Variants in C10orf67 observed in about 807,000 individuals in gnomAD.
C10orf67 encodes uncharacterized protein C10orf67, mitochondrial.
In C10orf67, 60 loss-of-function variants were observed where a neutral mutation model predicts 35.6. That is an observed-to-expected ratio of 1.68 (90% CI 1.37 to 2.09). The LOEUF (loss-of-function observed/expected upper bound fraction) is 2.09. C10orf67 is among the 30% of genes most tolerant of loss of function. The pLI is 0.00. For missense variants in C10orf67, 474 were observed against 330.2 expected (o/e 1.44, Z -3.38); for synonymous variants, 167 against 115.8 (o/e 1.44, Z -2.84).
chr10:23,247,085 A>G (rs1257546133), intron 12 of C10orf67, among the ~76,000 whole-genome samples: 1 of 152,220 alleles, frequency 6.6e-6, no homozygotes, highest in East Asian at 1.9e-4. Context: ...TATAAAGTAA[A>G]AAAATCACAG....
intron 13 of C10orf67, among the ~76,000 whole-genome samples, chr10:23,237,028 C>T (rs1842068403): frequency 1.3e-5 from 2 of 152,066 alleles, no homozygotes; most frequent in Admixed American, 1.3e-4. Flanking sequence ...GTTTTTTAAT[C>T]CTCACTCTCC....
intron 10 of C10orf67, among the ~76,000 whole-genome samples, chr10:23,259,588 T>C (rs868285805): frequency 8.5e-5 from 13 of 152,148 alleles, no homozygotes; most frequent in South Asian, 2.1e-4. Context: ...AGATGACCCA[T>C]ATTTTGGAAC....
chr10:23,236,495 A>T (rs987430658), intron 13 of C10orf67, among the ~76,000 whole-genome samples: 2 of 152,118 alleles, frequency 1.3e-5, no homozygotes, highest in Non-Finnish European at 2.9e-5. Context: ...GTTTTTAGGG[A>T]TGTGGAGCAA....
At chr10:23,232,675 G>A (rs188340310) in intron 13 of C10orf67, among the ~76,000 whole-genome samples, 308 of 152,178 alleles carry the variant, frequency 2.0e-3, no homozygotes, top group African/African-American at 7.0e-3. Flanking sequence ...AACCTCTTCA[G>A]GAAACTTTGA....
At chr10:23,252,397 A>G (rs566449582) in intron 10 of C10orf67, among the ~76,000 whole-genome samples, 2 of 152,326 alleles carry the variant, frequency 1.3e-5, no homozygotes, top group African/African-American at 2.4e-5. Context: ...TACTGAAATA[A>G]TATATTTTAA....
At chr10:23,230,277 A>G (rs1463555922) in intron 13 of C10orf67, among the ~76,000 whole-genome samples, 2 of 152,180 alleles carry the variant, frequency 1.3e-5, no homozygotes, top group Admixed American at 1.3e-4. Flanking sequence ...AAATGAAACC[A>G]GATGTCTATC....
At chr10:23,288,341 C>T (rs559085783) in intron 7 of C10orf67, among the ~76,000 whole-genome samples, 4 of 152,216 alleles carry the variant, frequency 2.6e-5, no homozygotes, top group African/African-American at 9.6e-5. Flanking sequence ...AAGCTGGAAG[C>T]CATCATCCTC....
At chr10:23,227,568 A>G (rs540621111) in intron 13 of C10orf67, among the ~76,000 whole-genome samples, 11 of 152,218 alleles carry the variant, frequency 7.2e-5, no homozygotes, top group Non-Finnish European at 1.0e-4. Context: ...ATTCAACATA[A>G]TGTTGGAAGT....
At chr10:23,284,703 A>G (rs1843479657) in intron 7 of C10orf67, among the ~76,000 whole-genome samples, 1 of 151,858 alleles carries the variant, frequency 6.6e-6, no homozygotes, top group African/African-American at 2.4e-5. Flanking sequence ...CCCCAAACAA[A>G]CAAACAAACA....
intron 15 of C10orf67, among the ~76,000 whole-genome samples, chr10:23,220,755 T>C (rs1406566084): frequency 6.6e-6 from 1 of 152,130 alleles, no homozygotes; most frequent in Non-Finnish European, 1.5e-5. Context: ...TTTGTGAGGA[T>C]TAAAGTAAAA....
At chr10:23,289,193 T>C (rs1843639131) in intron 7 of C10orf67, among the ~76,000 whole-genome samples, 1 of 152,168 alleles carries the variant, frequency 6.6e-6, no homozygotes, top group South Asian at 2.1e-4. Context: ...AGACAGGGTC[T>C]CACTCTGTTG....
intron 2 of C10orf67, among the ~76,000 whole-genome samples, chr10:23,322,857 C>T (rs1283534327): frequency 6.6e-6 from 1 of 151,954 alleles, no homozygotes; most frequent in East Asian, 1.9e-4. Context: ...TATATACACA[C>T]ATTAAATAAA....
chr10:23,221,142 A>G (rs1841568707), intron 15 of C10orf67, among the ~76,000 whole-genome samples: 1 of 152,182 alleles, frequency 6.6e-6, no homozygotes, highest in Non-Finnish European at 1.5e-5. Flanking sequence ...TCACAGGCTT[A>G]ACAGGACGCA....
intron 5 of C10orf67, among the ~76,000 whole-genome samples, chr10:23,297,253 TTTCCTTTC>T (rs1241833231): frequency 7.9e-5 from 12 of 151,980 alleles, no homozygotes; most frequent in African/African-American, 2.9e-4. Flanking sequence ...TTTCCTTTCC[TTTCCTTTC>T]CTTTCCTTTC....
intron 4 of C10orf67, among the ~76,000 whole-genome samples, chr10:23,306,341 T>C (rs976003534): frequency 1.3e-5 from 2 of 151,732 alleles, no homozygotes; most frequent in East Asian, 1.9e-4. Context: ...CTGGCCAACA[T>C]GTGAAACCCT....
intron 12 of C10orf67, among the ~76,000 whole-genome samples, chr10:23,244,808 C>A (rs2132147143): frequency 6.6e-6 from 1 of 152,192 alleles, no homozygotes; most frequent in African/African-American, 2.4e-5. Context: ...CAATTGCTAC[C>A]AAAATTGCAA....
intron 4 of C10orf67, among the ~76,000 whole-genome samples, chr10:23,319,777 G>A (rs907450191): frequency 2.0e-5 from 3 of 152,164 alleles, no homozygotes; most frequent in Non-Finnish European, 4.4e-5. Flanking sequence ...AAATCTCACA[G>A]CCAACTCACC....
chr10:23,258,049 A>G (rs769919320), intron 10 of C10orf67, among the ~76,000 whole-genome samples: 5 of 152,210 alleles, frequency 3.3e-5, no homozygotes, highest in Non-Finnish European at 7.3e-5. Flanking sequence ...GCAGCATTCA[A>G]TCAGAAATAT....
chr10:23,240,473 A>C (rs1564467565), intron 12 of C10orf67, among the ~76,000 whole-genome samples: 1 of 152,256 alleles, frequency 6.6e-6, no homozygotes, highest in Non-Finnish European at 1.5e-5. Flanking sequence ...AACTTGAAAG[A>C]GTTCCTGTTG....
Sources: gnomAD v4.1 joint callset for allele counts (sites outside exome capture counted in the v4.1 genomes callset) on GRCh38, gnomAD v4.1.1 for gene constraint, MANE v1.5 for transcripts, NCBI Gene and HGNC (gene_info 2026-07-23, HGNC 2026-07-21) for gene names.